The following ZYX variants were observed in gnomAD, a reference collection of about 807,000 sequenced individuals.
ZYX encodes zyxin-2.
ZYX carries 37 observed loss-of-function variants against 58.1 expected under a neutral mutation model. That is an observed-to-expected ratio of 0.64 (90% confidence interval 0.49 to 0.84). The LOEUF is 0.84. ZYX is among the 40% of genes least tolerant of loss of function. ZYX has a pLI of 0.00. For missense variants in ZYX, 762 were observed against 761.6 expected (o/e 1.00, Z -0.01); for synonymous variants, 324 against 321.1 (o/e 1.01, Z -0.10).
intron 5 of ZYX, among the ~76,000 whole-genome samples, chr7:143,385,362 G>A (rs1034801404): frequency 6.9e-6 from 1 of 145,362 alleles, no homozygotes; most frequent in African/African-American, 2.8e-5. Flanking sequence ...TATGAGTGGC[G>A]TGTGTGTGTG....
intron 5 of ZYX, among the ~76,000 whole-genome samples, chr7:143,385,438 A>G (rs570681703): frequency 6.6e-6 from 1 of 151,132 alleles, no homozygotes; most frequent in East Asian, 2.0e-4. Context: ...TGAATGTATG[A>G]GTGGCGTGTG....
Position 143,388,517 on chromosome 7 carries a change from G to C in ZYX, c.1173G>C (p.Leu391=). 6.2e-7 allele frequency: 1 copy of C among 1,610,314 alleles called. No individual in the cohort carries two copies. Among genetic ancestry groups the C allele is most frequent in the Non-Finnish European group, 8.5e-7 (1 of 1,179,842 alleles). The change falls in exon 7 of 10, where the codon CTG becomes CTC. Residue 391 remains leucine (L), a synonymous_variant. Transcript: ENST00000322764. The surrounding 1 kb of genome is among the most constrained non-coding windows in gnomAD (Gnocchi z 7.5). ...NELCGRCHQP[L]ARAQPAVRAL... ...TCTGCGGCCGATGCCATCAACCCCT[G>C]GCCCGGGCGCAGCCAGCCGTCCGCG...
intron 5 of ZYX, among the ~76,000 whole-genome samples, chr7:143,386,258 T>C (rs1804863070): frequency 6.6e-6 from 1 of 151,364 alleles, no homozygotes; most frequent in Non-Finnish European, 1.5e-5. Context: ...CTGGAGGAGA[T>C]CTTGGTGATG....
chr7:143,381,879 G>T (rs1173603088), intron 2 of ZYX, 100 bp downstream of exon 2: 27 of 1,220,586 alleles, frequency 2.2e-5, no homozygotes, highest in Non-Finnish European at 3.0e-5. Flanking sequence ...TTGCCGAGGG[G>T]GCTGGGCGCA....
chr7:143,385,660 CTTT>C (rs59995035), intron 5 of ZYX, among the ~76,000 whole-genome samples: 731 of 68,930 alleles, frequency 0.011, 6 homozygotes, highest in African/African-American at 0.037. Context: ...TGTGGTATAT[CTTT>C]TTTTTTTTTT....
In ZYX at chr7:143,388,665, C is replaced by G. The variant is rs1012203062; in HGVS notation, c.1314+7C>G. 1 of 1,612,708 alleles carries G rather than the reference C, an allele frequency of 6.2e-7. No homozygotes were observed. Among genetic ancestry groups the G allele is most frequent in the Non-Finnish European group, 8.5e-7 (1 of 1,179,160 alleles). ...CTGCGAGGGCTGTTACACTGTGAGTCGGGCTGTGCTGGGCTGTGCTGGGCT... is the reference window on the plus strand; with the variant it reads ...CTGCGAGGGCTGTTACACTGTGAGTGGGGCTGTGCTGGGCTGTGCTGGGCT... On this transcript the variant is annotated splice_region_variant and intron_variant, in intron 7 of 9. Transcript: ENST00000322764. The surrounding 1 kb of genome is among the most constrained non-coding windows in gnomAD (Gnocchi z 7.5).
intron 5 of ZYX, among the ~76,000 whole-genome samples, chr7:143,385,238 GGA>G (rs1804811011): frequency 6.6e-6 from 1 of 152,116 alleles, no homozygotes. Context: ...GAGGAGTTGA[GGA>G]GAGAGTGGGT....
rs1480788547 is a variant in ZYX, at chr7:143,384,256, G to C, written c.1023+934G>C. The C allele has an allele frequency of 2.1e-6, 1 of 471,574 alleles. No individual in the cohort carries two copies. The highest frequency in any genetic ancestry group is 4.4e-6 in the Non-Finnish European group (1 of 227,146). The allele number at this position is 471,574 out of a possible 1,614,324, so 29.2% of individuals were successfully genotyped here. On this transcript the variant is annotated intron_variant, in intron 5 of 9. Transcript: ENST00000322764. The surrounding 1 kb of genome is among the most constrained non-coding windows in gnomAD (Gnocchi z 4.9). ...GCTTTGCAGAATCCTGTGAGTCACA[G>C]GCACTCAGACCAGGGAGTCAACTCG...
At position 143,390,652 on chromosome 7, in the gene ZYX, G is replaced by GA; in HGVS notation, c.1691dup (p.Cys565ValfsTer5). ...CCCTGGACGGTCACGTGCTCTGTCG[G>GA]AAGTGCCACACTGCTAGAGCCCAGA... On this transcript the variant is annotated frameshift_variant, in exon 10 of 10. Coordinates refer to ENST00000322764, the MANE Select transcript of ZYX (RefSeq NM_003461.5). LOFTEE classifies it high-confidence loss of function. The surrounding 1 kb of genome is among the most constrained non-coding windows in gnomAD (Gnocchi z 4.3). The GA allele has an allele frequency of 6.3e-7, 1 of 1,587,298 alleles. No individual in the cohort carries two copies. The highest frequency in any genetic ancestry group is 8.6e-7 in the Non-Finnish European group (1 of 1,166,774).
Position 143,384,745 on chromosome 7 carries a change from G to GA in ZYX, c.1023+1431dup, listed in dbSNP as rs1441615326. On this transcript the variant is annotated intron_variant, in intron 5 of 9. Coordinates refer to ENST00000322764, the MANE Select transcript of ZYX (RefSeq NM_003461.5). The surrounding 1 kb of genome is among the most constrained non-coding windows in gnomAD (Gnocchi z 4.9). The stretch of plus-strand genomic sequence containing the variant: ...GGAAGACAAGGGTGAGGGGAAGAGG[G>GA]AAAAAAAAGTCTCCAGCACGATTTG... 6.6e-6 allele frequency among the ~76,000 whole-genome samples: 1 copy of GA among 151,890 alleles called. No homozygotes were observed. Among genetic ancestry groups the GA allele is most frequent in the Non-Finnish European group, 1.5e-5 (1 of 67,948 alleles).
chr7:143,390,636 G>A lies in ZYX; in HGVS notation c.1673G>A (p.Gly558Asp). The part of the protein sequence containing the change: ...ADDNGCFPLD[G>D]HVLCRKCHTA... ...GACAATGGCTGCTTCCCCCTGGACG[G>A]TCACGTGCTCTGTCGGAAGTGCCAC... Residue 558 changes from glycine to aspartate, a missense_variant, in exon 10 of 10, where the codon GGT becomes GAT. Coordinates refer to ENST00000322764, the MANE Select transcript of ZYX (RefSeq NM_003461.5). The surrounding 1 kb of genome is among the most constrained non-coding windows in gnomAD (Gnocchi z 4.3). 1 of 1,588,432 alleles carries A rather than the reference G, an allele frequency of 6.3e-7. No individual in the cohort carries two copies. Among genetic ancestry groups the A allele is most frequent in the South Asian group, 1.2e-5 (1 of 86,784 alleles).
intron 3 of ZYX, 73 bp downstream of exon 3, chr7:143,382,520 C>A: frequency 6.3e-7 from 1 of 1,592,970 alleles, no homozygotes; most frequent in Non-Finnish European, 8.6e-7. Context: ...TTCTTCTTAC[C>A]TCCCCTGCAC....
In ZYX at chr7:143,387,271, C is replaced by T. The variant is rs988604190; in HGVS notation, c.1024-948C>T. 6.6e-6 allele frequency among the ~76,000 whole-genome samples: 1 copy of T among 151,552 alleles called. No individual in the cohort carries two copies. Among genetic ancestry groups the T allele is most frequent in the African/African-American group, 2.4e-5 (1 of 41,180 alleles). On this transcript the variant is annotated intron_variant, in intron 5 of 9. Transcript: ENST00000322764. This position sits in a 1 kb window ranked among gnomAD's most constrained non-coding sequence, Gnocchi z 5.8. ...GGGGTGAGGGGCAGTGAAGCCAGGG[C>T]TGAGGGGAGAGGGGCTATGGGAGGA...
Position 143,391,036 on chromosome 7 carries a change from A to G in ZYX, c.*354A>G. On this transcript the variant is annotated 3_prime_UTR_variant, in exon 10 of 10. Transcript: ENST00000322764. ...CTTGCGGAGGGCTGGGAGACCCTCC[A>G]GGACATTCCCACCCTCCCCCATGCT... 3.0e-6 allele frequency: 1 copy of G among 328,266 alleles called. No homozygotes were observed. Among genetic ancestry groups the G allele is most frequent in the Non-Finnish European group, 5.7e-6 (1 of 175,932 alleles). 20.3% of individuals were successfully genotyped at this position (328,266 alleles called of 1,614,324 possible). A position where few individuals can be genotyped will look rare whatever the true frequency, so the allele number is the denominator to read the frequency against.
chr7:143,390,436 G>A lies in ZYX; in HGVS notation c.1615-142G>A. The A allele has an allele frequency of 6.0e-6, 4 of 662,484 alleles. No individual in the cohort carries two copies. Among genetic ancestry groups the A allele is most frequent in the South Asian group, 1.8e-5 (1 of 55,872 alleles). 41.0% of individuals were successfully genotyped at this position (662,484 alleles called of 1,614,324 possible). ...AAGTAGGATAGGGATGGGGAGTTGG[G>A]TGTGGCTGGAAAAAGCGATGACACC... On this transcript the variant is annotated intron_variant, in intron 9 of 9. Transcript: ENST00000322764. This position sits in a 1 kb window ranked among gnomAD's most constrained non-coding sequence, Gnocchi z 4.3.
Position 143,384,732 on chromosome 7 carries a change from T to G in ZYX, c.1023+1410T>G, listed in dbSNP as rs374391186. On this transcript the variant is annotated intron_variant, in intron 5 of 9. Coordinates refer to ENST00000322764, the MANE Select transcript of ZYX (RefSeq NM_003461.5). This position sits in a 1 kb window ranked among gnomAD's most constrained non-coding sequence, Gnocchi z 4.9. ...GGGATGAGCAATTGGAAGACAAGGGTGAGGGGAAGAGGGAAAAAAAAGTCT... is the reference window on the plus strand; with the variant it reads ...GGGATGAGCAATTGGAAGACAAGGGGGAGGGGAAGAGGGAAAAAAAAGTCT... Among the ~76,000 whole-genome samples, 15 of 151,298 alleles carry G rather than the reference T, an allele frequency of 9.9e-5. No individual in the cohort carries two copies. In the East Asian group the frequency reaches 2.9e-3, roughly 29 times the overall value.
chr7:143,388,045 G>A lies in ZYX; in HGVS notation c.1024-174G>A. On this transcript the variant is annotated intron_variant, in intron 5 of 9. Transcript: ENST00000322764. The surrounding 1 kb of genome is among the most constrained non-coding windows in gnomAD (Gnocchi z 7.5). Reference sequence around the variant, plus strand: ...GGTCCCTTCCCCTGTTATTTGTGTGGTGCTGGGGATGGCGGGGGTAGGGGG... The same window carrying A: ...GGTCCCTTCCCCTGTTATTTGTGTGATGCTGGGGATGGCGGGGGTAGGGGG... 1.4e-6 allele frequency: 1 copy of A among 701,380 alleles called. No homozygotes were observed. The highest frequency in any genetic ancestry group is 2.4e-6 in the Non-Finnish European group (1 of 419,204). The allele number at this position is 701,380 out of a possible 1,614,324, so 43.4% of individuals were successfully genotyped here. A position where few individuals can be genotyped will look rare whatever the true frequency, so the allele number is the denominator to read the frequency against.
Position 143,390,793 on chromosome 7 carries a change from TC to T in ZYX, c.*113del. 1.2e-6 allele frequency: 1 copy of T among 811,652 alleles called. No homozygotes were observed. The highest frequency in any genetic ancestry group is 2.0e-6 in the Non-Finnish European group (1 of 498,758). 50.3% of individuals were successfully genotyped at this position (811,652 alleles called of 1,614,324 possible). On this transcript the variant is annotated 3_prime_UTR_variant, in exon 10 of 10. Transcript: ENST00000322764. This position sits in a 1 kb window ranked among gnomAD's most constrained non-coding sequence, Gnocchi z 4.3. ...GTTTTGATGTCTAGCCCCTCCCATT[TC>T]CAACCCCTCCCTAGCATCCCAGGTG...
chr7:143,390,583 C>T lies in ZYX; in HGVS notation c.1620C>T (p.Cys540=), dbSNP rs377558746. Residue 540 remains cysteine (C), a synonymous_variant, in exon 10 of 10, where the codon TGC becomes TGT. Transcript: ENST00000322764. The surrounding 1 kb of genome is among the most constrained non-coding windows in gnomAD (Gnocchi z 4.3). ...FHMKCYKCED[C]GKPLSIEADD... The stretch of plus-strand genomic sequence containing the variant: ...TCACCCTTCCTTCTTCCCAGGACTG[C>T]GGGAAGCCCCTGTCGATTGAGGCAG... 4.4e-5 allele frequency: 69 copies of T among 1,564,576 alleles called. 1 individual carries two copies. The highest frequency in any genetic ancestry group is 3.4e-4 in the South Asian group (29 of 84,964).
Sources: gnomAD v4.1 joint callset for allele counts (sites outside exome capture counted in the v4.1 genomes callset) on GRCh38, gnomAD v4.1.1 for gene constraint, Gnocchi (gnomAD v3.1) non-coding constraint, MANE v1.5 for transcripts, NCBI Gene and HGNC (gene_info 2026-07-23, HGNC 2026-07-21) for gene names.